P2RX3: variants seen among roughly 807,000 people sequenced by gnomAD.
P2RX3 encodes the protein purinergic receptor P2X 3.
In P2RX3, 41 loss-of-function variants were observed where a neutral mutation model predicts 51.5. That is an observed-to-expected ratio of 0.80 (90% confidence interval 0.62 to 1.03). P2RX3 has a LOEUF of 1.03. Among genes scored for constraint, P2RX3 ranks in the 50% least tolerant of loss-of-function variants. The pLI, the probability that P2RX3 is intolerant of heterozygous loss-of-function variation, is 0.00. For synonymous variants in P2RX3, 185 were observed against 191.6 expected (o/e 0.97, Z 0.29); for missense variants, 459 against 522.1 (o/e 0.88, Z 1.18).
At chr11:57,363,972 C>T (rs1345417835) in intron 8 of P2RX3, among the ~76,000 whole-genome samples, 1 of 152,232 alleles carries the variant, frequency 6.6e-6, no homozygotes, top group African/African-American at 2.4e-5. Flanking sequence ...TTTGATTTTT[C>T]TCCCTGTTCC....
At chr11:57,337,627 C>T (rs1856259005), upstream of P2RX3, among the ~76,000 whole-genome samples, 1 of 152,106 alleles carries the variant, frequency 6.6e-6, no homozygotes, top group Non-Finnish European at 1.5e-5. Context: ...AATGAGAACA[C>T]TTGGACACAG....
At chr11:57,368,265 G>A in intron 9 of P2RX3, 107 bp from the exon 10 acceptor site, 1 of 1,356,456 alleles carries the variant, frequency 7.4e-7, no homozygotes, top group Non-Finnish European at 1.1e-6. Context: ...GTGAAGGGGA[G>A]GGATCTGCTG....
intron 8 of P2RX3, among the ~76,000 whole-genome samples, chr11:57,353,505 A>C (rs1856579655): frequency 6.6e-6 from 1 of 152,192 alleles, no homozygotes; most frequent in African/African-American, 2.4e-5. Flanking sequence ...TGTACTTGTT[A>C]ATCCTCAGAA....
chr11:57,338,320 CGAACAAAAA>C, upstream of P2RX3: 1 of 362,274 alleles, frequency 2.8e-6, no homozygotes, highest in East Asian at 4.1e-5. Context: ...GGAGTGGAGA[CGAACAAAAA>C]GGGGGTCCCC....
At chr11:57,346,506 C>A in intron 1 of P2RX3, 38 bp from the exon 2 acceptor site, 1 of 1,605,996 alleles carries the variant, frequency 6.2e-7, no homozygotes, top group Non-Finnish European at 8.5e-7. Flanking sequence ...GGTCTATGGA[C>A]TCCTCTCTTT....
At position 57,348,348 on chromosome 11, in the gene P2RX3, G is replaced by C. The variant is rs1410011461; in HGVS notation, c.485+85G>C. The C allele has an allele frequency of 1.0e-5, 13 of 1,278,694 alleles. No individual in the cohort carries two copies. In the South Asian group the frequency reaches 1.9e-4, roughly 18 times the overall value. 79.2% of individuals were successfully genotyped at this position (1,278,694 alleles called of 1,614,324 possible). A position where few individuals can be genotyped will look rare whatever the true frequency, so the allele number is the denominator to read the frequency against. On this transcript the variant is annotated intron_variant, in intron 5 of 11. Transcript: ENST00000263314. The stretch of plus-strand genomic sequence containing the variant: ...GTGGGAGCCGTGCGTCTCTGAGCTT[G>C]AGGAGGGTCTGTGGCTTTCTCCAGT...
At position 57,370,284 on chromosome 11, in the gene P2RX3, A is replaced by C; in HGVS notation, c.*287A>C. On this transcript the variant is annotated 3_prime_UTR_variant, in exon 12 of 12. Coordinates refer to ENST00000263314, the MANE Select transcript of P2RX3 (RefSeq NM_002559.5). ...CCCTTCCCAAAGAGTAGAGATTATAATGTAGGACAGATGGCCACAAGGGCC... is the reference window on the plus strand; with the variant it reads ...CCCTTCCCAAAGAGTAGAGATTATACTGTAGGACAGATGGCCACAAGGGCC... 1 of 386,848 alleles carries C rather than the reference A, an allele frequency of 2.6e-6. No homozygotes were observed. Among genetic ancestry groups the C allele is most frequent in the Non-Finnish European group, 4.7e-6 (1 of 213,020 alleles). 24.0% of individuals were successfully genotyped at this position (386,848 alleles called of 1,614,324 possible). A position where few individuals can be genotyped will look rare whatever the true frequency, so the allele number is the denominator to read the frequency against.
intron 10 of P2RX3, among the ~76,000 whole-genome samples, chr11:57,368,701 T>C (rs1324212537): frequency 6.6e-6 from 1 of 152,158 alleles, no homozygotes; most frequent in Non-Finnish European, 1.5e-5. Context: ...AGAGTTCCCG[T>C]TTCTCACCGT....
At chr11:57,353,499 C>T (rs1856579597) in intron 8 of P2RX3, among the ~76,000 whole-genome samples, 1 of 152,186 alleles carries the variant, frequency 6.6e-6, no homozygotes, top group African/African-American at 2.4e-5. Context: ...GACATTTGTA[C>T]TTGTTAATCC....
intron 9 of P2RX3, 93 bp downstream of exon 9, chr11:57,368,195 C>A: frequency 7.2e-7 from 1 of 1,397,938 alleles, no homozygotes; most frequent in Non-Finnish European, 1.0e-6. Context: ...GGGCAGGGGT[C>A]TGCTGCTGGC....
intron 1 of P2RX3, among the ~76,000 whole-genome samples, chr11:57,341,158 G>A (rs541212054): frequency 6.6e-6 from 1 of 152,316 alleles, no homozygotes; most frequent in South Asian, 2.1e-4. Flanking sequence ...ATCTGAGTTG[G>A]GAAGAGCACC....
chr11:57,370,363 T>C lies in P2RX3; in HGVS notation c.*366T>C, dbSNP rs1009086666. 1 of 184,570 alleles carries C rather than the reference T, an allele frequency of 5.4e-6. No individual in the cohort carries two copies. Among genetic ancestry groups the C allele is most frequent in the East Asian group, 1.5e-4 (1 of 6,710 alleles). The allele number at this position is 184,570 out of a possible 1,614,324, so 11.4% of individuals were successfully genotyped here. A position where few individuals can be genotyped will look rare whatever the true frequency, so the allele number is the denominator to read the frequency against. On this transcript the variant is annotated 3_prime_UTR_variant, in exon 12 of 12. Coordinates refer to ENST00000263314, the MANE Select transcript of P2RX3 (RefSeq NM_002559.5). ...TTATCTCATTTAATCCTTAGAATAA[T>C]CCTATGAGGTAGATATTAGTTTCCC...
chr11:57,336,204 G>C (rs1339228277), upstream of P2RX3, among the ~76,000 whole-genome samples: 1 of 152,160 alleles, frequency 6.6e-6, no homozygotes, highest in Non-Finnish European at 1.5e-5. Context: ...GAAAGGAGTC[G>C]ATGGGACAAG....
chr11:57,347,584 T>C, intron 4 of P2RX3, 106 bp downstream of exon 4: 2 of 1,268,518 alleles, frequency 1.6e-6, no homozygotes, highest in Non-Finnish European at 2.2e-6. Context: ...TCCATGTCAT[T>C]CTGCTGGCAT....
Position 57,347,598 on chromosome 11 carries a change from C to G in P2RX3, c.391+120C>G. On this transcript the variant is annotated intron_variant, in intron 4 of 11. Coordinates refer to ENST00000263314, the MANE Select transcript of P2RX3 (RefSeq NM_002559.5). ...TTCCATGTCATTCTGCTGGCATTTA[C>G]AGTTGCTCCCTGGGTGCCACACCCA... 4 of 1,146,244 alleles carry G rather than the reference C, an allele frequency of 3.5e-6. No homozygotes were observed. In the South Asian group the frequency reaches 5.5e-5, roughly 16 times the overall value. The allele number at this position is 1,146,244 out of a possible 1,614,324, so 71.0% of individuals were successfully genotyped here.
upstream of P2RX3, among the ~76,000 whole-genome samples, chr11:57,337,303 A>AAAAG (rs1258224348): frequency 4.7e-5 from 6 of 128,490 alleles, no homozygotes; most frequent in African/African-American, 1.5e-4. Context: ...AAAAAAAAAA[A>AAAAG]AAAGAAAGAA....
chr11:57,355,334 CTT>C (rs1201675322), intron 8 of P2RX3, among the ~76,000 whole-genome samples: 39 of 117,310 alleles, frequency 3.3e-4, no homozygotes, highest in African/African-American at 9.3e-4. Flanking sequence ...TATTTTATTT[CTT>C]TTTTTTTTTT....
intron 8 of P2RX3, among the ~76,000 whole-genome samples, chr11:57,352,377 C>G (rs112765715): frequency 2.0e-5 from 3 of 152,022 alleles, no homozygotes; most frequent in African/African-American, 4.8e-5. Flanking sequence ...AAATACTGTG[C>G]GGCTCACTGG....
At chr11:57,367,457 A>G (rs1375125651) in intron 8 of P2RX3, among the ~76,000 whole-genome samples, 2 of 152,176 alleles carry the variant, frequency 1.3e-5, no homozygotes, top group East Asian at 1.9e-4. Context: ...GCGGTGGCTC[A>G]CCCCTATAAT....
Sources: allele counts gnomAD v4.1 joint callset (sites outside exome capture counted in the v4.1 genomes callset), GRCh38; gene constraint gnomAD v4.1.1; transcripts MANE v1.5; gene names NCBI Gene and HGNC (gene_info 2026-07-23, HGNC 2026-07-21).